The following OR10K1 variants were observed in gnomAD, a reference collection of about 807,000 sequenced individuals.
OR10K1 encodes olfactory receptor family 10 subfamily K member 1.
For missense variants in OR10K1, 404 were observed against 373.3 expected (o/e 1.08, Z -0.68); for synonymous variants, 186 against 152.5 (o/e 1.22, Z -1.62).
intron 1 of OR10K1, among the ~76,000 whole-genome samples, chr1:158,463,308 A>G (rs1571284306): frequency 6.6e-6 from 1 of 152,200 alleles, no homozygotes; most frequent in Non-Finnish European, 1.5e-5. Flanking sequence ...TACAGATGAC[A>G]ACACACTATG....
At chr1:158,462,218 T>G (rs1395321221) in intron 1 of OR10K1, among the ~76,000 whole-genome samples, 1 of 151,298 alleles carries the variant, frequency 6.6e-6, no homozygotes, top group Non-Finnish European at 1.5e-5. Context: ...AGGCAGAAGT[T>G]GCAGTGAGCC....
chr1:158,465,547 A>G lies in OR10K1; in HGVS notation c.-15A>G. Reference sequence around the variant, plus strand: ...CTACCTCTGTCCCTGACTCTCCTTTATAGAAGTGCTCTCCATGGAGCAAGT... The same window carrying G: ...CTACCTCTGTCCCTGACTCTCCTTTGTAGAAGTGCTCTCCATGGAGCAAGT... On this transcript the variant is annotated 5_prime_UTR_variant, in exon 2 of 2. Transcript: ENST00000641535. 1 of 1,604,666 alleles carries G rather than the reference A, an allele frequency of 6.2e-7. No homozygotes were observed. Among genetic ancestry groups the G allele is most frequent in the East Asian group, 2.2e-5 (1 of 44,778 alleles).
In OR10K1 at chr1:158,466,063, TTCCAC is replaced by T. The variant is rs767405071; in HGVS notation, c.506_510del (p.His169LeufsTer10). 1.2e-6 allele frequency: 2 copies of T among 1,614,086 alleles called. No homozygotes were observed. Among genetic ancestry groups the T allele is most frequent in the Non-Finnish European group, 1.7e-6 (2 of 1,180,000 alleles). On this transcript the variant is annotated frameshift_variant, in exon 2 of 2. Transcript: ENST00000641535. LOFTEE classifies it low-confidence loss of function (END_TRUNC). ...CACCTCCCTAGTATTTCATCTGCCC[TTCCAC>T]TCCTCCAACCAGCTCCATCACTTCT...
Position 158,465,581 on chromosome 1 carries a change from C to A in OR10K1, c.20C>A (p.Thr7Asn). The A allele has an allele frequency of 6.2e-7, 1 of 1,614,008 alleles. No individual in the cohort carries two copies. Among genetic ancestry groups the A allele is most frequent in the Non-Finnish European group, 8.5e-7 (1 of 1,179,954 alleles). MEQVNK[T>N]VVREFVVLGF... ...CTCTCCATGGAGCAAGTCAATAAGA[C>A]TGTGGTGAGAGAGTTCGTCGTCCTC... The change falls in exon 2 of 2, where the codon ACT (threonine) becomes AAT (asparagine). Residue 7 changes from threonine to asparagine, a missense_variant. By Grantham distance (65) the Thr-to-Asn change is moderately conservative. Coordinates refer to ENST00000641535, the MANE Select transcript of OR10K1 (RefSeq NM_001004473.2).
intron 1 of OR10K1, among the ~76,000 whole-genome samples, chr1:158,462,629 T>C (rs1571283839): frequency 6.6e-6 from 1 of 152,224 alleles, no homozygotes; most frequent in African/African-American, 2.4e-5. Flanking sequence ...TTTTTATTTG[T>C]ATCTAAGAAG....
chr1:158,465,320 G>A (rs1238428310), intron 1 of OR10K1, 86 bp from the exon 2 acceptor site: 2 of 553,944 alleles, frequency 3.6e-6, no homozygotes, highest in Non-Finnish European at 6.4e-6. Flanking sequence ...CTTGGTCAGA[G>A]AGATAACCTG....
Position 158,465,301 on chromosome 1 carries a change from T to A in OR10K1, c.-156-105T>A. On this transcript the variant is annotated intron_variant, in intron 1 of 1. Coordinates refer to ENST00000641535, the MANE Select transcript of OR10K1 (RefSeq NM_001004473.2). ...ATAAGAAGGAAAACTATTAGCAAAT[T>A]TCCTAATCCTTGGTCAGAGAGATAA... 6.0e-6 allele frequency: 3 copies of A among 503,928 alleles called. No homozygotes were observed. The South Asian group carries it at 8.7e-5, about 15-fold the overall frequency. 31.2% of individuals were successfully genotyped at this position (503,928 alleles called of 1,614,324 possible).
At chr1:158,463,892 C>T (rs114010450) in intron 1 of OR10K1, among the ~76,000 whole-genome samples, 6,384 of 152,054 alleles carry the variant, frequency 0.042, 433 homozygotes, top group African/African-American at 0.14. Context: ...ATAGTAATAT[C>T]TTTATAGTTA....
Position 158,466,580 on chromosome 1 carries a change from T to C in OR10K1, c.*77T>C, listed in dbSNP as rs547612330. ...GTTTTATACATTTTTTTTCATTTAATTGTCCAGCTCCACTGTAACATAAGA... is the reference window on the plus strand; with the variant it reads ...GTTTTATACATTTTTTTTCATTTAACTGTCCAGCTCCACTGTAACATAAGA... On this transcript the variant is annotated 3_prime_UTR_variant, in exon 2 of 2. Transcript: ENST00000641535. The C allele has an allele frequency of 1.1e-6, 1 of 879,718 alleles. No homozygotes were observed. The highest frequency in any genetic ancestry group is 1.8e-6 in the Non-Finnish European group (1 of 546,764). The allele number at this position is 879,718 out of a possible 1,614,324, so 54.5% of individuals were successfully genotyped here.
Position 158,466,097 on chromosome 1 carries a change from G to C in OR10K1, c.536G>C (p.Cys179Ser), listed in dbSNP as rs1378861784. The change falls in exon 2 of 2, where the codon TGT becomes TCT. Residue 179 changes from cysteine to serine, a missense_variant. By Grantham distance (112) the Cys-to-Ser change is moderately radical. Coordinates refer to ENST00000641535, the MANE Select transcript of OR10K1 (RefSeq NM_001004473.2). ...HSSNQLHHFF[C>S]DISPVLKLAS... Reference sequence around the variant, plus strand: ...TCCAACCAGCTCCATCACTTCTTCTGTGACATCTCCCCTGTCCTTAAACTG... The same window carrying C: ...TCCAACCAGCTCCATCACTTCTTCTCTGACATCTCCCCTGTCCTTAAACTG... The C allele has an allele frequency of 6.2e-7, 1 of 1,613,912 alleles. No homozygotes were observed. The highest frequency in any genetic ancestry group is 1.7e-5 in the Admixed American group (1 of 60,000).
chr1:158,463,012 C>T lies in OR10K1; in HGVS notation c.-157+1108C>T, dbSNP rs145465826. Among the ~76,000 whole-genome samples, 385 of 152,198 alleles carry T rather than the reference C, an allele frequency of 2.5e-3. 1 individual carries two copies. The highest frequency in any genetic ancestry group is 8.9e-3 in the African/African-American group (370 of 41,538). ...AAGGCTCCTAGGGGTCATAGTACTC[C>T]GATACTATCTTAGTCAAAATTCCTC... On this transcript the variant is annotated intron_variant, in intron 1 of 1. Transcript: ENST00000641535.
intron 1 of OR10K1, among the ~76,000 whole-genome samples, chr1:158,462,976 T>A (rs1005031002): frequency 9.9e-5 from 15 of 152,212 alleles, no homozygotes; most frequent in Admixed American, 8.5e-4. Flanking sequence ...TCTTTGATTC[T>A]CTGAGCAAGA....
Position 158,465,647 on chromosome 1 carries a change from T to C in OR10K1, c.86T>C (p.Val29Ala). 1 of 1,614,162 alleles carries C rather than the reference T, an allele frequency of 6.2e-7. No homozygotes were observed. The highest frequency in any genetic ancestry group is 8.5e-7 in the Non-Finnish European group (1 of 1,180,016). ...GCCAGGCTGCAGCAGCTGCTCTTTG[T>C]TATCTTCCTGCTCCTCTACCTGTTC... Reference protein sequence around the residue: ...SLARLQQLLFVIFLLLYLFTL... With the variant: ...SLARLQQLLFAIFLLLYLFTL... The change falls in exon 2 of 2, where the codon GTT (valine) becomes GCT (alanine). Residue 29 changes from valine (V) to alanine (A), a missense_variant. Coordinates refer to ENST00000641535, the MANE Select transcript of OR10K1 (RefSeq NM_001004473.2).
chr1:158,465,104 C>T (rs7522599), intron 1 of OR10K1, among the ~76,000 whole-genome samples: 52 of 152,208 alleles, frequency 3.4e-4, no homozygotes, highest in African/African-American at 1.2e-3. Context: ...TATCTCCTTT[C>T]TCATTTCATG....
At chr1:158,463,132 A>C (rs569015941) in intron 1 of OR10K1, among the ~76,000 whole-genome samples, 2 of 152,146 alleles carry the variant, frequency 1.3e-5, no homozygotes, top group Non-Finnish European at 2.9e-5. Context: ...ATTAAAAAAA[A>C]AACTAAATAT....
intron 1 of OR10K1, among the ~76,000 whole-genome samples, chr1:158,464,700 G>A (rs1218993013): frequency 1.3e-5 from 2 of 151,976 alleles, no homozygotes; most frequent in African/African-American, 4.8e-5. Flanking sequence ...CCAGTCTGGA[G>A]TGCAGAGGCA....
Position 158,466,651 on chromosome 1 carries a change from T to G in OR10K1, c.*148T>G, listed in dbSNP as rs1055190769. ...ATGAGGCTCACAGAAGTTAAGACAG[T>G]CTGGCTTTCTACTCTCCATGATACT... On this transcript the variant is annotated 3_prime_UTR_variant, in exon 2 of 2. Coordinates refer to ENST00000641535, the MANE Select transcript of OR10K1 (RefSeq NM_001004473.2). 1.6e-6 allele frequency: 1 copy of G among 622,906 alleles called. No individual in the cohort carries two copies. The highest frequency in any genetic ancestry group is 2.8e-6 in the Non-Finnish European group (1 of 353,260). 38.6% of individuals were successfully genotyped at this position (622,906 alleles called of 1,614,324 possible).
rs1253178633 is a variant in OR10K1, at chr1:158,466,226, T to C, written c.665T>C (p.Ile222Thr). ...LLILVSYIRI[I>T]SAILKIPSSV... is the part of the protein sequence containing the mutation. ...ATCCTAGTCTCCTACATCCGCATCATCTCTGCCATTCTAAAAATCCCTTCC... is the reference window on the plus strand; with the variant it reads ...ATCCTAGTCTCCTACATCCGCATCACCTCTGCCATTCTAAAAATCCCTTCC... The change falls in exon 2 of 2, where the codon ATC (isoleucine) becomes ACC (threonine). Residue 222 changes from isoleucine (I) to threonine (T), a missense_variant. Physicochemically the swap from Ile to Thr is moderately conservative, Grantham distance 89 (BLOSUM62 -1). Coordinates refer to ENST00000641535, the MANE Select transcript of OR10K1 (RefSeq NM_001004473.2). 5 of 1,614,156 alleles carry C rather than the reference T, an allele frequency of 3.1e-6. No individual in the cohort carries two copies. Among genetic ancestry groups the C allele is most frequent in the Non-Finnish European group, 4.2e-6 (5 of 1,180,024 alleles).
chr1:158,462,428 TCC>T (rs1655942651), intron 1 of OR10K1, among the ~76,000 whole-genome samples: 1 of 121,436 alleles, frequency 8.2e-6, no homozygotes, highest in African/African-American at 2.9e-5. Context: ...CTTCCTTCCT[TCC>T]TCCTCTACTT....
Sources: allele counts gnomAD v4.1 joint callset (sites outside exome capture counted in the v4.1 genomes callset), GRCh38; gene constraint gnomAD v4.1.1; transcripts MANE v1.5; gene names NCBI Gene and HGNC (gene_info 2026-07-23, HGNC 2026-07-21).